PHKA2: variants seen among roughly 807,000 people sequenced by gnomAD.
PHKA2 encodes the protein phosphorylase kinase regulatory subunit alpha 2.
In PHKA2, 31 loss-of-function variants were observed where a neutral mutation model predicts 102.0. The observed-to-expected ratio is 0.30, with a 90% CI of 0.23 to 0.41. PHKA2 has a LOEUF of 0.41. Among genes scored for constraint, PHKA2 ranks in the 10% least tolerant of loss-of-function variants. PHKA2 has a pLI of 1.00. For missense variants in PHKA2, 858 were observed against 1,023.1 expected (o/e 0.84, Z 2.20); for synonymous variants, 455 against 416.2 (o/e 1.09, Z -1.13).
At position 18,938,724 on chromosome X, in the gene PHKA2, G is replaced by C. The variant is rs773008663; in HGVS notation, c.944C>G (p.Pro315Arg). ...REDPNRLHYDPAELKLFENIE... is the reference protein window; with the variant it reads ...REDPNRLHYDRAELKLFENIE... ...GTTTTCGAAGAGCTTGAGTTCAGCA[G>C]GGTCATAATGCAGTCGATTAGGGTC... The change falls in exon 10 of 33, where the codon CCT becomes CGT. Residue 315 changes from proline to arginine, a missense_variant. Coordinates refer to ENST00000379942, the MANE Select transcript of PHKA2 (RefSeq NM_000292.3). The C allele has an allele frequency of 9.9e-6, 12 of 1,206,516 alleles. No homozygotes were observed. In the East Asian group the frequency reaches 2.4e-4, roughly 24 times the overall value.
At chrX:18,959,832 C>T (rs1053506488) in intron 1 of PHKA2, among the ~76,000 whole-genome samples, 5 of 111,363 alleles carry the variant, frequency 4.5e-5, no homozygotes, top group Middle Eastern at 9.3e-3. Context: ...TATTACAAGC[C>T]GGTCTTAGTG....
chrX:18,912,770 G>A (rs760481125), intron 19 of PHKA2, among the ~76,000 whole-genome samples: 1 of 111,335 alleles, frequency 9.0e-6, no homozygotes, highest in Non-Finnish European at 1.9e-5. Context: ...AATTAGCCAG[G>A]TGTGGTGGCA....
At chrX:18,961,924 G>A (rs928137346) in intron 1 of PHKA2, among the ~76,000 whole-genome samples, 5 of 110,121 alleles carry the variant, frequency 4.5e-5, no homozygotes, top group Admixed American at 2.9e-4. Flanking sequence ...ACAGGACGGA[G>A]GTGAAGTTTA....
At chrX:18,905,333 C>G (rs896404753) in intron 26 of PHKA2, among the ~76,000 whole-genome samples, 1 of 111,957 alleles carries the variant, frequency 8.9e-6, no homozygotes, top group African/African-American at 3.2e-5. Context: ...GCCACCACGC[C>G]TGACTAATTT....
At chrX:18,970,667 T>C (rs999231156) in intron 1 of PHKA2, among the ~76,000 whole-genome samples, 2 of 112,270 alleles carry the variant, frequency 1.8e-5, no homozygotes, top group Non-Finnish European at 1.9e-5. Context: ...TATATTTAGA[T>C]ATGGGCCTCC....
chrX:18,921,367 A>G (rs922957579), intron 17 of PHKA2, among the ~76,000 whole-genome samples: 1 of 111,184 alleles, frequency 9.0e-6, no homozygotes, highest in African/African-American at 3.3e-5. Context: ...TGGAGGTTGC[A>G]GTGAGCCGAG....
chrX:18,900,810 G>T (rs747523452), intron 27 of PHKA2, 111 bp from the exon 28 acceptor site: 2 of 641,318 alleles, frequency 3.1e-6, no homozygotes, highest in South Asian at 2.3e-5. Flanking sequence ...ACCGCAGGGG[G>T]TGACCCATGA....
rs781128044 is a variant in PHKA2, at chrX:18,917,434, T to G, written c.2137+1247A>C. On this transcript the variant is annotated intron_variant, in intron 19 of 32. Coordinates refer to ENST00000379942, the MANE Select transcript of PHKA2 (RefSeq NM_000292.3). ...CCACCAAACCTGGCTCATTTCTGTATTTTTAGTACAGACAGCGTTTCACCA... is the reference window on the plus strand; with the variant it reads ...CCACCAAACCTGGCTCATTTCTGTAGTTTTAGTACAGACAGCGTTTCACCA... 2.7e-5 allele frequency among the ~76,000 whole-genome samples: 3 copies of G among 109,115 alleles called. No homozygotes were observed. The East Asian group carries it at 8.7e-4, about 32-fold the overall frequency. 94.8% of individuals were successfully genotyped at this position (109,115 alleles called of 115,157 possible).
intron 10 of PHKA2, among the ~76,000 whole-genome samples, chrX:18,937,902 A>G (rs1481902468): frequency 8.9e-6 from 1 of 112,233 alleles, no homozygotes; most frequent in East Asian, 2.8e-4. Context: ...AGGCTGTTAC[A>G]TGAAGTAAGA....
chrX:18,936,362 G>A (rs1393010483), intron 10 of PHKA2, among the ~76,000 whole-genome samples: 1 of 112,040 alleles, frequency 8.9e-6, no homozygotes, highest in Non-Finnish European at 1.9e-5. Flanking sequence ...CCTCTCAGGA[G>A]TGTATCTAAG....
chrX:18,935,640 T>C (rs2048381171), intron 11 of PHKA2, among the ~76,000 whole-genome samples: 1 of 109,709 alleles, frequency 9.1e-6, no homozygotes, highest in Admixed American at 9.7e-5. Context: ...TCTCGTTCTG[T>C]AGCCCAGGCT....
Position 18,897,317 on chromosome X carries a change from G to A in PHKA2, c.3128C>T (p.Ser1043Phe). The A allele has an allele frequency of 8.3e-7, 1 of 1,209,603 alleles. No individual in the cohort carries two copies. The highest frequency in any genetic ancestry group is 1.1e-6 in the Non-Finnish European group (1 of 894,973). Residue 1043 changes from serine (S) to phenylalanine (F), a missense_variant, in exon 30 of 33, where the codon TCC becomes TTC. Transcript: ENST00000379942. ...TGAGGATGACGTGCCAGTGGGCGAG[G>A]ATGGGGTGCTGGACCTCTGCAAGAC... is the stretch of plus-strand genomic sequence containing the variant. ...SSKSARSSTP[S>F]SPTGTSSSDS...
chrX:18,927,573 T>C (rs2048232826), intron 13 of PHKA2, among the ~76,000 whole-genome samples: 1 of 112,181 alleles, frequency 8.9e-6, no homozygotes. Context: ...TACATATACA[T>C]GCAGTTGAGA....
At chrX:18,959,500 T>A (rs1208091546) in intron 1 of PHKA2, among the ~76,000 whole-genome samples, 1 of 111,783 alleles carries the variant, frequency 8.9e-6, no homozygotes, top group African/African-American at 3.3e-5. Context: ...GAAGATATTT[T>A]ATCACATTGA....
Position 18,893,496 on chromosome X carries a change from G to T in PHKA2, c.3697C>A (p.Gln1233Lys). The change falls in exon 33 of 33, where the codon CAG becomes AAG. Residue 1233 changes from glutamine (Q) to lysine (K), a missense_variant. Physicochemically the swap from Gln to Lys is moderately conservative, Grantham distance 53. This residue lies in a region of PHKA2 where 671 missense variants were observed against 745.2 expected (regional missense o/e 0.90). Transcript: ENST00000379942. ...TTCCAGGTGAGACCCTATTGCATCT[G>T]GCAGCCCGAATTGGGCAACAATTCC... ...LQELLPNSGC[Q>K]MQ The T allele has an allele frequency of 3.3e-6, 4 of 1,211,027 alleles. No individual in the cohort carries two copies. Among genetic ancestry groups the T allele is most frequent in the Non-Finnish European group, 2.2e-6 (2 of 894,793 alleles).
chrX:18,969,389 TC>T (rs1183523941), intron 1 of PHKA2, among the ~76,000 whole-genome samples: 4 of 111,840 alleles, frequency 3.6e-5, no homozygotes, highest in African/African-American at 1.3e-4. Context: ...CCATCGTACT[TC>T]GGTGTGCAGC....
chrX:18,968,135 G>A (rs1342084693), intron 1 of PHKA2, among the ~76,000 whole-genome samples: 1 of 111,760 alleles, frequency 8.9e-6, no homozygotes, highest in African/African-American at 3.3e-5. Context: ...GCTCACACCT[G>A]TAATCCCAGC....
intron 20 of PHKA2, among the ~76,000 whole-genome samples, chrX:18,910,310 T>C (rs966386146): frequency 5.4e-5 from 6 of 111,443 alleles, no homozygotes; most frequent in African/African-American, 9.8e-5. Flanking sequence ...TAAAACCCTG[T>C]CTCTACAAAA....
At chrX:18,939,698 T>C (rs1353355998) in intron 9 of PHKA2, among the ~76,000 whole-genome samples, 1 of 111,526 alleles carries the variant, frequency 9.0e-6, no homozygotes, top group Non-Finnish European at 1.9e-5. Context: ...TTTCACTGTG[T>C]TAGCCGGGAT....
Sources: allele counts gnomAD v4.1 joint callset (sites outside exome capture counted in the v4.1 genomes callset), GRCh38; gene constraint gnomAD v4.1.1; regional missense constraint gnomAD v4.1.1; transcripts MANE v1.5; gene names NCBI Gene and HGNC (gene_info 2026-07-23, HGNC 2026-07-21).